Variants in SLC38A1 observed in about 807,000 individuals in gnomAD.
SLC38A1 encodes sodium-coupled neutral amino acid symporter 1.
A neutral mutation model predicts 60.3 loss-of-function variants in SLC38A1; 18 were observed. The ratio of observed to expected loss-of-function variants is 0.30; its 90% confidence interval spans 0.21 to 0.44. SLC38A1 has a LOEUF of 0.44. Among genes scored for constraint, SLC38A1 ranks in the 20% least tolerant of loss-of-function variants. SLC38A1 has a pLI of 1.00. For missense variants in SLC38A1, 448 were observed against 587.2 expected, an observed-to-expected ratio of 0.76 and a Z score of 2.45; for synonymous variants, 196 against 212.1, an observed-to-expected ratio of 0.92 and a Z score of 0.66.
At chr12:46,245,891 C>T (rs529266312) in intron 1 of SLC38A1, among the ~76,000 whole-genome samples, 10 of 152,240 alleles carry the variant, frequency 6.6e-5, no homozygotes, top group Non-Finnish European at 1.3e-4. Context: ...GCTCTAGTCC[C>T]TCTTCCTTCT....
rs1358323745 is a variant in SLC38A1, at chr12:46,268,244, C to G, written c.-209+282G>C. Among the ~76,000 whole-genome samples the G allele has an allele frequency of 6.6e-6, 1 of 152,208 alleles. No homozygotes were observed. Among genetic ancestry groups the G allele is most frequent in the African/African-American group, 2.4e-5 (1 of 41,448 alleles). On this transcript the variant is annotated intron_variant, in intron 1 of 16. Transcript: ENST00000398637. The surrounding 1 kb of genome is among the most constrained non-coding windows in gnomAD (Gnocchi z 4.4). ...ACACTCTGCCACAGCCACAGGAAAA[C>G]ACACCAAAGTCACAGGAAAACAAAC...
At chr12:46,202,096 G>A (rs1163454489) in intron 12 of SLC38A1, among the ~76,000 whole-genome samples, 4 of 151,404 alleles carry the variant, frequency 2.6e-5, no homozygotes, top group African/African-American at 9.7e-5. Context: ...AGAGGCTGAG[G>A]TGGGAGGATT....
intron 3 of SLC38A1, among the ~76,000 whole-genome samples, chr12:46,234,604 T>C (rs1592126336): frequency 6.6e-6 from 1 of 152,042 alleles, no homozygotes; most frequent in Admixed American, 6.6e-5. Context: ...CCCGCCACCG[T>C]ACCCGGCTAA....
intron 16 of SLC38A1, chr12:46,195,772 T>C (rs1939345559): frequency 4.7e-6 from 1 of 214,352 alleles, no homozygotes; most frequent in South Asian, 7.5e-5. Flanking sequence ...CACGGGAGGG[T>C]ATTACCTGGT....
At chr12:46,193,438 C>G (rs146531838) in intron 16 of SLC38A1, among the ~76,000 whole-genome samples, 43 of 152,248 alleles carry the variant, frequency 2.8e-4, no homozygotes, top group Non-Finnish European at 3.5e-4. Flanking sequence ...CTGTAGATGT[C>G]TATGAGGTCC....
At chr12:46,260,165 CA>C (rs1942154840) in intron 1 of SLC38A1, among the ~76,000 whole-genome samples, 1 of 152,282 alleles carries the variant, frequency 6.6e-6, no homozygotes, top group African/African-American at 2.4e-5. Flanking sequence ...TGACTTCTCC[CA>C]AATAACTCCA....
intron 13 of SLC38A1, among the ~76,000 whole-genome samples, chr12:46,198,951 G>A (rs2136998691): frequency 6.6e-6 from 1 of 152,308 alleles, no homozygotes; most frequent in Middle Eastern, 3.4e-3. Context: ...GAAATTTAAA[G>A]TAATCACTGG....
chr12:46,202,876 T>C lies in SLC38A1; in HGVS notation c.902+134A>G, dbSNP rs143347357. On this transcript the variant is annotated intron_variant, in intron 12 of 16. Coordinates refer to ENST00000398637, the MANE Select transcript of SLC38A1 (RefSeq NM_030674.4). ...CAATGCTTGTTTAAGAATGGCACAA[T>C]GTGAGTAAATGTTGAAGCTGGGTGA... The C allele has an allele frequency of 1.3e-3, 774 of 599,900 alleles. 3 individuals are homozygous for C. The highest frequency in any genetic ancestry group is 1.8e-3 in the Non-Finnish European group (594 of 339,182). The allele number at this position is 599,900 out of a possible 1,614,324, so 37.2% of individuals were successfully genotyped here.
Position 46,186,224 on chromosome 12 carries a change from A to G in SLC38A1, c.*2746T>C, listed in dbSNP as rs1324278428. 3 of 152,154 alleles carry G rather than the reference A, an allele frequency of 2.0e-5. No homozygotes were observed. Among genetic ancestry groups the G allele is most frequent in the African/African-American group, 4.8e-5 (2 of 41,440 alleles). 9.4% of individuals were successfully genotyped at this position (152,154 alleles called of 1,614,324 possible). A position where few individuals can be genotyped will look rare whatever the true frequency, so the allele number is the denominator to read the frequency against. ...CACAGTAGATTTCCCTCCTGTGCGT[A>G]TTTCATCAGCCCCACTTCCAATAAG... On this transcript the variant is annotated 3_prime_UTR_variant, in exon 17 of 17. Coordinates refer to ENST00000398637, the MANE Select transcript of SLC38A1 (RefSeq NM_030674.4).
At chr12:46,191,416 G>C (rs1939140472) in intron 16 of SLC38A1, among the ~76,000 whole-genome samples, 1 of 152,168 alleles carries the variant, frequency 6.6e-6, no homozygotes, top group African/African-American at 2.4e-5. Flanking sequence ...GACTATGTGA[G>C]CTCTTTTTTG....
chr12:46,219,392 A>G (rs1324470452), intron 5 of SLC38A1, among the ~76,000 whole-genome samples: 1 of 152,246 alleles, frequency 6.6e-6, no homozygotes, highest in Non-Finnish European at 1.5e-5. Context: ...TGTACACTTT[A>G]CAACTATCTT....
At chr12:46,266,160 C>T (rs1942344526) in intron 1 of SLC38A1, among the ~76,000 whole-genome samples, 3 of 152,036 alleles carry the variant, frequency 2.0e-5, no homozygotes, top group South Asian at 2.1e-4. Context: ...CTCAAGGTCT[C>T]GATCCAACAA....
rs996926584 is a variant in SLC38A1 at position 46,238,592 on chromosome 12, TAACTCCC to T, written c.122+1080_122+1086del. ...CTAATCTTTCAGGAGGCTGTGCCGC[TAACTCCC>T]AAGCTGGAGGCTTCCTGCTAAGCCA... On this transcript the variant is annotated intron_variant, in intron 3 of 16. Transcript: ENST00000398637. Among the ~76,000 whole-genome samples the T allele has an allele frequency of 4.6e-5, 7 of 152,214 alleles. 1 individual carries two copies. The highest frequency in any genetic ancestry group is 1.7e-4 in the African/African-American group (7 of 41,456).
Position 46,201,230 on chromosome 12 carries a change from T to C in SLC38A1, c.903-32A>G, listed in dbSNP as rs762450541. On this transcript the variant is annotated intron_variant, in intron 12 of 16. Transcript: ENST00000398637. ...ACAAATAAATGTTAAAAATTAAAAA[T>C]CATATGACTGAATTTAAGCACCAGT... The C allele has an allele frequency of 7.1e-6, 11 of 1,540,240 alleles. No homozygotes were observed. In the Admixed American group the frequency reaches 1.0e-4, roughly 14 times the overall value.
intron 5 of SLC38A1, 71 bp from the exon 6 acceptor site, chr12:46,209,198 G>A: frequency 4.6e-6 from 5 of 1,097,494 alleles, no homozygotes; most frequent in Non-Finnish European, 6.8e-6. Context: ...AGTTTAGAAG[G>A]GCAAAGGTTT....
intron 1 of SLC38A1, among the ~76,000 whole-genome samples, chr12:46,246,160 A>G (rs1277431412): frequency 6.6e-6 from 1 of 152,184 alleles, no homozygotes; most frequent in African/African-American, 2.4e-5. Flanking sequence ...CTGGTTGGAC[A>G]GTGGGTACAG....
intron 3 of SLC38A1, among the ~76,000 whole-genome samples, chr12:46,230,340 C>T (rs1330092499): frequency 6.6e-6 from 1 of 152,066 alleles, no homozygotes; most frequent in Non-Finnish European, 1.5e-5. Flanking sequence ...CGGTGGGAGG[C>T]AAGGCATATG....
intron 1 of SLC38A1, among the ~76,000 whole-genome samples, chr12:46,263,820 T>C (rs932677383): frequency 8.5e-5 from 13 of 152,348 alleles, no homozygotes; most frequent in African/African-American, 3.1e-4. Flanking sequence ...AGGCTGTGGC[T>C]CCATGATGTC....
intron 16 of SLC38A1, among the ~76,000 whole-genome samples, chr12:46,193,185 A>G (rs1336571427): frequency 6.6e-6 from 1 of 152,080 alleles, no homozygotes; most frequent in Non-Finnish European, 1.5e-5. Context: ...TCATTTTGTT[A>G]TTTACCCAGT....
Sources: gnomAD v4.1 joint callset for allele counts (sites outside exome capture counted in the v4.1 genomes callset) on GRCh38, gnomAD v4.1.1 for gene constraint, Gnocchi (gnomAD v3.1) non-coding constraint, MANE v1.5 for transcripts, NCBI Gene and HGNC (gene_info 2026-07-23, HGNC 2026-07-21) for gene names.